ANKFN1: variants seen among roughly 807,000 people sequenced by gnomAD.
The protein encoded by ANKFN1 is ankyrin repeat and fibronectin type-III domain-containing protein 1.
A neutral mutation model predicts 108.7 loss-of-function variants in ANKFN1; 74 were observed. The observed-to-expected ratio is 0.68, with a 90% CI of 0.56 to 0.83. The LOEUF (loss-of-function observed/expected upper bound fraction) is 0.83. Ranked by LOEUF, ANKFN1 falls within the 40% of genes least tolerant of loss-of-function variation. The pLI is 0.00. For missense variants in ANKFN1, 1,505 were observed against 1,382.3 expected, an observed-to-expected ratio of 1.09 and a Z score of -1.41; for synonymous variants, 547 against 516.2, an observed-to-expected ratio of 1.06 and a Z score of -0.81.
intron 8 of ANKFN1, among the ~76,000 whole-genome samples, chr17:56,397,902 A>G (rs139101591): frequency 6.6e-6 from 1 of 152,250 alleles, no homozygotes; most frequent in African/African-American, 2.4e-5. Flanking sequence ...AATAAGATTA[A>G]ATCAGCGGTT....
intron 4 of ANKFN1, among the ~76,000 whole-genome samples, chr17:56,081,814 T>C (rs1390751777): frequency 6.6e-6 from 1 of 152,226 alleles, no homozygotes; most frequent in Non-Finnish European, 1.5e-5. Flanking sequence ...ACTGGAGTTG[T>C]ACACATACTC....
At chr17:56,303,890 G>T (rs1354032387) in intron 3 of ANKFN1, among the ~76,000 whole-genome samples, 4 of 148,596 alleles carry the variant, frequency 2.7e-5, no homozygotes, top group East Asian at 2.0e-4. Context: ...TAGAGACAGG[G>T]TTTCACCATT....
intron 1 of ANKFN1, among the ~76,000 whole-genome samples, chr17:56,182,684 T>C (rs116383460): frequency 0.02 from 2,979 of 152,284 alleles, 95 homozygotes; most frequent in African/African-American, 0.068. Flanking sequence ...ACTAAGATAA[T>C]TGGTGAAATG....
intron 19 of ANKFN1, among the ~76,000 whole-genome samples, chr17:56,494,789 A>G (rs1280988807): frequency 6.6e-6 from 1 of 152,096 alleles, no homozygotes; most frequent in Non-Finnish European, 1.5e-5. Context: ...TTCTCTACCC[A>G]TGCCTTAGGT....
chr17:56,473,554 TCGGG>T (rs2050394979), intron 15 of ANKFN1: 2 of 147,010 alleles, frequency 1.4e-5, no homozygotes, highest in Admixed American at 1.4e-4. Context: ...TCCCAGCTAC[TCGGG>T]AAGCTGAGGC....
intron 4 of ANKFN1, among the ~76,000 whole-genome samples, chr17:56,081,932 C>T (rs1905251003): frequency 6.6e-6 from 1 of 152,228 alleles, no homozygotes; most frequent in South Asian, 2.1e-4. Context: ...ACGCACCGAA[C>T]TCCTGAGATC....
chr17:56,129,321 T>C (rs1907133066), intron 4 of ANKFN1, among the ~76,000 whole-genome samples: 1 of 152,168 alleles, frequency 6.6e-6, no homozygotes, highest in African/African-American at 2.4e-5. Flanking sequence ...CCAAAACACT[T>C]CTTTCAAAGT....
intron 4 of ANKFN1, among the ~76,000 whole-genome samples, chr17:56,120,642 A>T (rs1906558644): frequency 6.6e-6 from 1 of 152,184 alleles, no homozygotes; most frequent in Non-Finnish European, 1.5e-5. Context: ...GCCAATTGAT[A>T]CGATGAGTAA....
chr17:56,170,807 T>TATATACACACACACACACACAC (rs1361307404), intron 1 of ANKFN1, among the ~76,000 whole-genome samples: 18 of 61,456 alleles, frequency 2.9e-4, no homozygotes, highest in East Asian at 2.0e-3. Flanking sequence ...TATATATATA[T>TATATACACACACACACACACAC]ACACACACAC....
chr17:56,109,622 G>T (rs927838804), intron 4 of ANKFN1, among the ~76,000 whole-genome samples: 1 of 152,174 alleles, frequency 6.6e-6, no homozygotes, highest in Non-Finnish European at 1.5e-5. Context: ...CACCGGCAAT[G>T]AAATGCTCCC....
At chr17:56,099,912 T>A (rs2143217198) in intron 4 of ANKFN1, among the ~76,000 whole-genome samples, 1 of 152,314 alleles carries the variant, frequency 6.6e-6, no homozygotes, top group East Asian at 1.9e-4. Context: ...AGTGACTCAG[T>A]CACTTCACCC....
chr17:56,417,398 G>A (rs780484814), intron 8 of ANKFN1, among the ~76,000 whole-genome samples: 1 of 152,072 alleles, frequency 6.6e-6, no homozygotes, highest in Non-Finnish European at 1.5e-5. Context: ...AAATCCCTTT[G>A]TTCTTTGTGT....
At chr17:56,370,569 G>A (rs1360083627) in intron 6 of ANKFN1, among the ~76,000 whole-genome samples, 1 of 152,166 alleles carries the variant, frequency 6.6e-6, no homozygotes, top group Non-Finnish European at 1.5e-5. Context: ...ACTTAACAAG[G>A]ACAATTCCCC....
rs573743449 is a variant in ANKFN1, at chr17:56,134,822, A to G, written c.288+88497A>G. On this transcript the variant is annotated intron_variant, in intron 4 of 12. Coordinates refer to the ANKFN1 transcript ENST00000635860. The stretch of plus-strand genomic sequence containing the variant: ...AATACCCTAGTGCAAAGAAATGTCA[A>G]TTCTTTCTACCTCCATCTCAATCAA... Among the ~76,000 whole-genome samples, 65 of 152,306 alleles carry G rather than the reference A, an allele frequency of 4.3e-4. 2 individuals are homozygous for G. In the East Asian group the frequency reaches 8.5e-3, roughly 20 times the overall value.
intron 3 of ANKFN1, among the ~76,000 whole-genome samples, chr17:56,279,142 G>A (rs1207555040): frequency 6.6e-6 from 1 of 152,186 alleles, no homozygotes; most frequent in Non-Finnish European, 1.5e-5. Context: ...CTCTGCCTTT[G>A]AGGAGATTAA....
chr17:56,188,573 G>GTATATA (rs1388598734), intron 1 of ANKFN1, among the ~76,000 whole-genome samples: 48 of 95,392 alleles, frequency 5.0e-4, no homozygotes, highest in Non-Finnish European at 6.9e-4. Context: ...ATGTGTGTGT[G>GTATATA]TGTGTGTGTA....
At chr17:56,188,567 GTGTGTGTGTGTGTGTATATATATA>G (rs1912496038) in intron 1 of ANKFN1, among the ~76,000 whole-genome samples, 2 of 103,672 alleles carry the variant, frequency 1.9e-5, no homozygotes, top group Admixed American at 1.1e-4. Flanking sequence ...GTGTGTATGT[GTGTGTGTGTGTGTGTATATATATA>G]TATATATATA....
Position 56,466,444 on chromosome 17 carries a change from A to C in ANKFN1, c.1646A>C (p.Glu549Ala). The stretch of plus-strand genomic sequence containing the variant: ...AACATACTCATAGTCACCATCAGGG[A>C]GGTGGAGATGCTTTATTCATTTTTT... ...HGNILIVTIR[E>A]VEMLYSFFNG... is the part of the protein sequence containing the mutation. The change falls in exon 15 of 21, where the codon GAG becomes GCG. Residue 549 changes from glutamate (E) to alanine (A), a missense_variant. By Grantham distance (107) the Glu-to-Ala change is moderately radical (BLOSUM62 -1). Transcript: ENST00000682825. 1 of 1,614,170 alleles carries C rather than the reference A, an allele frequency of 6.2e-7. No homozygotes were observed. The highest frequency in any genetic ancestry group is 8.5e-7 in the Non-Finnish European group (1 of 1,180,010).
chr17:56,467,775 GAAAGAAAGAAAGAAAGAAGAAAGAAAGA>G (rs2050139175), intron 15 of ANKFN1, among the ~76,000 whole-genome samples: 1 of 16,652 alleles, frequency 6.0e-5, no homozygotes, highest in African/African-American at 1.4e-4. Flanking sequence ...AAGAAAGAAA[GAAAGAAAGAAAGAAAGAAGAAAGAAAGA>G]AAGAAAGAAA....
Sources: gnomAD v4.1 joint callset for allele counts (sites outside exome capture counted in the v4.1 genomes callset) on GRCh38, gnomAD v4.1.1 for gene constraint, MANE v1.5 for transcripts, NCBI Gene and HGNC (gene_info 2026-07-23, HGNC 2026-07-21) for gene names.